The following EHBP1 variants were observed in gnomAD, a reference collection of about 807,000 sequenced individuals.
EHBP1 encodes the protein EH domain-binding protein 1.
A neutral mutation model predicts 144.0 loss-of-function variants in EHBP1; 55 were observed. The ratio of observed to expected loss-of-function variants is 0.38; its 90% CI spans 0.31 to 0.48. EHBP1 has a LOEUF of 0.48. Among genes scored for constraint, EHBP1 ranks in the 20% least tolerant of loss-of-function variants. The pLI is 0.98. For missense variants in EHBP1, 1,200 were observed against 1,364.2 expected (o/e 0.88, Z 1.90); for synonymous variants, 469 against 472.7 (o/e 0.99, Z 0.10).
chr2:62,826,386 C>A, intron 6 of EHBP1, 118 bp downstream of exon 6: 2 of 982,502 alleles, frequency 2.0e-6, no homozygotes, highest in Admixed American at 3.2e-5. Flanking sequence ...TTTTGCCATT[C>A]TTTGTTTCAG....
intron 5 of EHBP1, among the ~76,000 whole-genome samples, chr2:62,795,598 G>A (rs2043482781): frequency 6.6e-6 from 1 of 151,912 alleles, no homozygotes; most frequent in Non-Finnish European, 1.5e-5. Flanking sequence ...GCTCTTCACT[G>A]TCTATGCTTG....
chr2:62,938,526 ATAAC>A (rs947545454), intron 10 of EHBP1, among the ~76,000 whole-genome samples: 8 of 152,330 alleles, frequency 5.3e-5, no homozygotes, highest in Admixed American at 2.6e-4. Context: ...GTTAGGAAGA[ATAAC>A]TAGGTAGCTT....
chr2:62,947,275 AACT>A (rs1223500553), intron 12 of EHBP1, among the ~76,000 whole-genome samples: 2 of 152,222 alleles, frequency 1.3e-5, no homozygotes, highest in African/African-American at 4.8e-5. Context: ...ATGTTTGTTA[AACT>A]ACAAGAATAT....
At chr2:62,722,750 T>C (rs1179911208) in intron 2 of EHBP1, among the ~76,000 whole-genome samples, 2 of 152,210 alleles carry the variant, frequency 1.3e-5, no homozygotes, top group African/African-American at 4.8e-5. Context: ...AATTTGTGTT[T>C]GTCTGATATT....
upstream of EHBP1, among the ~76,000 whole-genome samples, chr2:62,705,410 A>C (rs184450410): frequency 4.0e-4 from 60 of 149,334 alleles, no homozygotes; most frequent in South Asian, 1.5e-3. Flanking sequence ...CACTATAAAC[A>C]CTCCCTATTC....
At chr2:62,849,365 CG>C (rs1333930139) in intron 7 of EHBP1, among the ~76,000 whole-genome samples, 1 of 152,014 alleles carries the variant, frequency 6.6e-6, no homozygotes, top group Non-Finnish European at 1.5e-5. Context: ...CAAGATCAAA[CG>C]TGAGTAAAGC....
chr2:62,863,018 C>T (rs1047031415), intron 8 of EHBP1, among the ~76,000 whole-genome samples: 1 of 152,122 alleles, frequency 6.6e-6, no homozygotes, highest in Non-Finnish European at 1.5e-5. Flanking sequence ...CACAGTGGCT[C>T]ACGCCTGTAA....
chr2:62,722,686 A>ACTTGACACTTCTTAAGTGTCAATTCAC (rs1277467266), intron 2 of EHBP1, among the ~76,000 whole-genome samples: 2 of 152,194 alleles, frequency 1.3e-5, no homozygotes, highest in African/African-American at 2.4e-5. Context: ...TTGTTTTGAC[A>ACTTGACACTTCTTAAGTGTCAATTCAC]CTTGACACTT....
chr2:62,979,181 A>G lies in EHBP1; in HGVS notation c.2461-7A>G. 6.2e-7 allele frequency: 1 copy of G among 1,611,648 alleles called. No individual in the cohort carries two copies. ...TACTGAGTTGGCAACTGTTCAATAT[A>G]TCTTAGCAGCAAGATGAAGAGCGAC... is the stretch of plus-strand genomic sequence containing the variant. On this transcript the variant is annotated splice_region_variant and splice_polypyrimidine_tract_variant and intron_variant, in intron 14 of 22. Coordinates refer to ENST00000431489, the MANE Select transcript of EHBP1 (RefSeq NM_001142616.3).
In EHBP1 at chr2:62,996,729, G is replaced by A. The variant is rs768976199; in HGVS notation, c.3066G>A (p.Ala1022=). The change falls in exon 19 of 23, where the codon GCG becomes GCA. Residue 1022 remains alanine, a synonymous_variant. Coordinates refer to ENST00000431489, the MANE Select transcript of EHBP1 (RefSeq NM_001142616.3). The part of the protein sequence containing the change: ...NEQKQIDTRA[A]LVEKRLRYLM... ...AAAAGCAAATTGACACCCGTGCCGC[G>A]CTGGTGGAGAAGCGCCTTCGCTATC... is the stretch of plus-strand genomic sequence containing the variant. 8.1e-6 allele frequency: 13 copies of A among 1,612,836 alleles called. No individual in the cohort carries two copies. The highest frequency in any genetic ancestry group is 4.4e-5 in the South Asian group (4 of 90,972).
intron 5 of EHBP1, among the ~76,000 whole-genome samples, chr2:62,812,779 A>G (rs2045122955): frequency 6.6e-6 from 1 of 152,230 alleles, no homozygotes; most frequent in African/African-American, 2.4e-5. Flanking sequence ...GGGACTTTTC[A>G]CTGCGTGTAG....
chr2:62,878,272 T>C (rs946970323), intron 10 of EHBP1, among the ~76,000 whole-genome samples: 1 of 151,914 alleles, frequency 6.6e-6, no homozygotes, highest in Non-Finnish European at 1.5e-5. Context: ...CAGGAAGAAA[T>C]TGAAACCCTG....
intron 2 of EHBP1, among the ~76,000 whole-genome samples, chr2:62,736,881 C>T (rs1416930986): frequency 1.3e-5 from 2 of 152,042 alleles, no homozygotes; most frequent in African/African-American, 4.8e-5. Flanking sequence ...TGTTTTTTGC[C>T]TTTTATTATG....
chr2:62,791,738 T>G (rs1373498743), intron 5 of EHBP1, among the ~76,000 whole-genome samples: 2 of 152,006 alleles, frequency 1.3e-5, no homozygotes, highest in Non-Finnish European at 2.9e-5. Context: ...TAAGTTTTCT[T>G]TATAGAATGA....
chr2:62,998,984 T>G (rs2059747536), intron 19 of EHBP1, among the ~76,000 whole-genome samples: 1 of 152,208 alleles, frequency 6.6e-6, no homozygotes, highest in African/African-American at 2.4e-5. Flanking sequence ...TTTTCTCTTT[T>G]GGGTTCCAGT....
chr2:62,809,462 G>A (rs374119408), intron 5 of EHBP1, among the ~76,000 whole-genome samples: 13 of 152,034 alleles, frequency 8.6e-5, no homozygotes, highest in African/African-American at 2.7e-4. Context: ...TGGGGTTGCC[G>A]TGTGACCTTA....
chr2:62,839,210 C>G (rs536511193), intron 7 of EHBP1, among the ~76,000 whole-genome samples: 155 of 152,060 alleles, frequency 1.0e-3, no homozygotes, highest in Non-Finnish European at 2.0e-3. Flanking sequence ...TAAATGTAAT[C>G]CAGCATATAA....
At chr2:62,726,415 C>G (rs1176549203) in intron 2 of EHBP1, among the ~76,000 whole-genome samples, 1 of 152,212 alleles carries the variant, frequency 6.6e-6, no homozygotes, top group East Asian at 1.9e-4. Context: ...TTTCCAGCTT[C>G]CTCCACCTTC....
At chr2:62,909,787 T>C (rs891107653) in intron 10 of EHBP1, among the ~76,000 whole-genome samples, 2 of 152,146 alleles carry the variant, frequency 1.3e-5, no homozygotes, top group African/African-American at 4.8e-5. Flanking sequence ...AGACAGAGTC[T>C]TGCTCTGTCA....
Sources: gnomAD v4.1 joint callset for allele counts (sites outside exome capture counted in the v4.1 genomes callset) on GRCh38, gnomAD v4.1.1 for gene constraint, MANE v1.5 for transcripts, NCBI Gene and HGNC (gene_info 2026-07-23, HGNC 2026-07-21) for gene names.